The following MYO3A variants were observed in gnomAD, a reference collection of about 807,000 sequenced individuals.
MYO3A encodes the protein myosin-IIIa.
A neutral mutation model predicts 192.7 loss-of-function variants in MYO3A; 180 were observed. The observed-to-expected ratio is 0.93, with a 90% confidence interval of 0.83 to 1.06. The LOEUF (loss-of-function observed/expected upper bound fraction) is 1.06, where lower values mean the gene tolerates loss of function less well. MYO3A is among the 50% of genes least tolerant of loss of function. The pLI is 0.00. For synonymous variants in MYO3A, 628 were observed against 645.3 expected (o/e 0.97, Z 0.41); for missense variants, 1,896 against 1,905.0 (o/e 1.00, Z 0.09).
chr10:26,196,399 C>T (rs1006906491), intron 32 of MYO3A, among the ~76,000 whole-genome samples: 1 of 152,176 alleles, frequency 6.6e-6, no homozygotes, highest in African/African-American at 2.4e-5. Flanking sequence ...AGTTCCATCC[C>T]CAAGAAGCTT....
intron 25 of MYO3A, among the ~76,000 whole-genome samples, chr10:26,155,350 C>T (rs1262508202): frequency 6.6e-6 from 1 of 152,144 alleles, no homozygotes; most frequent in East Asian, 1.9e-4. Flanking sequence ...TCAAGGCGAC[C>T]TTCCTTCCTT....
At chr10:25,963,389 G>A (rs970348131) in intron 4 of MYO3A, among the ~76,000 whole-genome samples, 2 of 152,146 alleles carry the variant, frequency 1.3e-5, no homozygotes, top group African/African-American at 4.8e-5. Flanking sequence ...CCTGCCTTGA[G>A]GAAAGGAAAC....
intron 4 of MYO3A, among the ~76,000 whole-genome samples, chr10:25,962,431 T>C (rs948817440): frequency 6.6e-6 from 1 of 152,158 alleles, no homozygotes; most frequent in Non-Finnish European, 1.5e-5. Flanking sequence ...AATGAAGTTT[T>C]ATGCTGTGGA....
chr10:25,958,036 T>A (rs1285630652), intron 4 of MYO3A, among the ~76,000 whole-genome samples: 2 of 152,196 alleles, frequency 1.3e-5, no homozygotes, highest in Non-Finnish European at 2.9e-5. Context: ...TTCTGTAGGC[T>A]GTCTCTTTAC....
intron 17 of MYO3A, among the ~76,000 whole-genome samples, chr10:26,113,604 A>C (rs927474864): frequency 2.0e-5 from 3 of 152,214 alleles, no homozygotes; most frequent in Non-Finnish European, 2.9e-5. Flanking sequence ...CAATCAAAAA[A>C]CATAAAACAA....
chr10:26,025,696 T>A (rs1842507830), intron 9 of MYO3A, among the ~76,000 whole-genome samples: 1 of 152,232 alleles, frequency 6.6e-6, no homozygotes, highest in Non-Finnish European at 1.5e-5. Context: ...CTGTCACAGC[T>A]GGTTAAACTT....
At chr10:26,178,630 C>T (rs560516733) in intron 31 of MYO3A, among the ~76,000 whole-genome samples, 2 of 151,418 alleles carry the variant, frequency 1.3e-5, no homozygotes, top group South Asian at 2.1e-4. Context: ...GATTTCATAA[C>T]ATCTAAATCT....
intron 17 of MYO3A, among the ~76,000 whole-genome samples, chr10:26,099,102 G>A (rs1837258025): frequency 1.3e-5 from 2 of 152,132 alleles, no homozygotes; most frequent in Non-Finnish European, 2.9e-5. Flanking sequence ...GTGGTTTGTA[G>A]TTCTCCTTGA....
intron 4 of MYO3A, among the ~76,000 whole-genome samples, chr10:25,975,448 T>A (rs939056530): frequency 2.6e-5 from 4 of 152,202 alleles, no homozygotes; most frequent in African/African-American, 9.6e-5. Flanking sequence ...ACGGCAGTTA[T>A]CAAAGAAGAG....
Position 26,202,952 on chromosome 10 carries a change from G to T in MYO3A, c.4587-12G>T. Reference sequence around the variant, plus strand: ...GATTGATGCAATGGTGTGTTTATGTGTTCATTTACAGTCAGGGAAAATTAT... The same window carrying T: ...GATTGATGCAATGGTGTGTTTATGTTTTCATTTACAGTCAGGGAAAATTAT... On this transcript the variant is annotated splice_polypyrimidine_tract_variant and intron_variant, in intron 33 of 34. Transcript: ENST00000642920. 6.2e-7 allele frequency: 1 copy of T among 1,613,102 alleles called. No individual in the cohort carries two copies. Among genetic ancestry groups the T allele is most frequent in the Non-Finnish European group, 8.5e-7 (1 of 1,179,416 alleles).
intron 31 of MYO3A, among the ~76,000 whole-genome samples, chr10:26,191,995 G>C (rs562253403): frequency 2.0e-5 from 3 of 152,216 alleles, no homozygotes; most frequent in East Asian, 3.9e-4. Flanking sequence ...TTTCCAATAA[G>C]TACCATACCC....
chr10:26,016,907 G>GTTTTGAGGCAGACAAACGTAA lies in MYO3A; in HGVS notation c.585+13_585+33dup, dbSNP rs1237578425. On this transcript the variant is annotated intron_variant, in intron 7 of 34. Transcript: ENST00000642920. ...TGGATGGCTCCTGAGGTCAGATAGA[G>GTTTTGAGGCAGACAAACGTAA]TTTTGAGGCAGACAAACGTAATAGC... is the stretch of plus-strand genomic sequence containing the variant. 2 of 1,613,016 alleles carry GTTTTGAGGCAGACAAACGTAA rather than the reference G, an allele frequency of 1.2e-6. No individual in the cohort carries two copies. Among genetic ancestry groups the GTTTTGAGGCAGACAAACGTAA allele is most frequent in the Non-Finnish European group, 1.7e-6 (2 of 1,178,990 alleles).
intron 10 of MYO3A, among the ~76,000 whole-genome samples, chr10:26,040,073 G>A (rs772539163): frequency 8.6e-5 from 13 of 151,336 alleles, no homozygotes; most frequent in East Asian, 3.9e-4. Flanking sequence ...TATGTTGTGC[G>A]AAAATTATAA....
chr10:26,147,638 A>C, intron 23 of MYO3A, 79 bp downstream of exon 23: 2 of 1,593,274 alleles, frequency 1.3e-6, no homozygotes, highest in East Asian at 2.2e-5. Context: ...CACTAATTTC[A>C]TCCTTAATTT....
intron 14 of MYO3A, among the ~76,000 whole-genome samples, chr10:26,077,410 G>C (rs923560529): frequency 2.0e-5 from 3 of 151,064 alleles, no homozygotes; most frequent in African/African-American, 7.3e-5. Flanking sequence ...GAGTCCTTAG[G>C]GTTTTCAAGG....
intron 17 of MYO3A, among the ~76,000 whole-genome samples, chr10:26,100,701 T>A (rs940176387): frequency 6.6e-6 from 1 of 152,114 alleles, no homozygotes. Flanking sequence ...TGTAGTTGAG[T>A]GGTTTTGGGT....
In MYO3A at chr10:26,143,728, T is replaced by C. The variant is rs1840299662; in HGVS notation, c.2416+127T>C. ...GTCACAAAGCCTGCATATTTGACTTTAAAGAAGAGCCTTTGGATTTAATAC... is the reference window on the plus strand; with the variant it reads ...GTCACAAAGCCTGCATATTTGACTTCAAAGAAGAGCCTTTGGATTTAATAC... On this transcript the variant is annotated intron_variant, in intron 21 of 34. Transcript: ENST00000642920. 3.5e-6 allele frequency: 4 copies of C among 1,144,592 alleles called. No individual in the cohort carries two copies. The South Asian group carries it at 4.1e-5, about 12-fold the overall frequency. The allele number at this position is 1,144,592 out of a possible 1,614,324, so 70.9% of individuals were successfully genotyped here. A position where few individuals can be genotyped will look rare whatever the true frequency, so the allele number is the denominator to read the frequency against.
At chr10:26,082,218 C>T (rs1836002252) in intron 14 of MYO3A, among the ~76,000 whole-genome samples, 1 of 152,002 alleles carries the variant, frequency 6.6e-6, no homozygotes, top group Non-Finnish European at 1.5e-5. Context: ...TCTTCCGATC[C>T]CTGAGATAAA....
At chr10:26,177,585 G>A (rs1300627300) in intron 31 of MYO3A, among the ~76,000 whole-genome samples, 3 of 152,164 alleles carry the variant, frequency 2.0e-5, no homozygotes, top group African/African-American at 4.8e-5. Flanking sequence ...CATTCTCTCT[G>A]CAGTCTTATG....
Sources: gnomAD v4.1 joint callset for allele counts (sites outside exome capture counted in the v4.1 genomes callset) on GRCh38, gnomAD v4.1.1 for gene constraint, MANE v1.5 for transcripts, NCBI Gene and HGNC (gene_info 2026-07-23, HGNC 2026-07-21) for gene names.